The following IVD variants were observed in gnomAD, a reference collection of about 807,000 sequenced individuals.
IVD encodes isovaleryl-CoA dehydrogenase, mitochondrial.
Under a neutral mutation model 51.3 loss-of-function variants are expected in IVD, and 31 were observed. The ratio of observed to expected loss-of-function variants is 0.60; its 90% CI spans 0.45 to 0.81. The LOEUF is 0.81. Ranked by LOEUF, IVD falls within the 40% of genes least tolerant of loss-of-function variation. IVD has a pLI of 0.00. For missense variants in IVD, 475 were observed against 552.0 expected (o/e 0.86, Z 1.40); for synonymous variants, 205 against 219.4 (o/e 0.93, Z 0.58).
Position 40,411,306 on chromosome 15 carries a change from A to G in IVD, c.503A>G (p.Asn168Ser), listed in dbSNP as rs749726739. Residue 168 changes from asparagine to serine, a missense_variant, in exon 5 of 12, where the codon AAT becomes AGT. Coordinates refer to ENST00000487418, the MANE Select transcript of IVD (RefSeq NM_002225.5). ...YIGALAMSEP[N>S]AGSDVVSMKL... ...GGAGCCCTGGCCATGAGTGAGCCCA[A>G]TGCAGGCTCTGATGTTGTCTCTATG... is the stretch of plus-strand genomic sequence containing the variant. 36 of 1,614,054 alleles carry G rather than the reference A, an allele frequency of 2.2e-5. No homozygotes were observed. The highest frequency in any genetic ancestry group is 6.7e-5 in the Admixed American group (4 of 60,004).
intron 11 of IVD, 115 bp from the exon 12 acceptor site, chr15:40,418,015 C>A: frequency 6.8e-7 from 1 of 1,475,864 alleles, no homozygotes; most frequent in Non-Finnish European, 9.2e-7. Context: ...CCTTTTGCTG[C>A]TTTTCTTTAA....
At chr15:40,410,917 T>G (rs888933373) in intron 4 of IVD, 120 bp downstream of exon 4, 2 of 1,246,628 alleles carry the variant, frequency 1.6e-6, no homozygotes. Context: ...ATGAACCAAA[T>G]GTGGTTAGGA....
At chr15:40,414,555 T>C in intron 7 of IVD, 1 of 340,280 alleles carries the variant, frequency 2.9e-6, no homozygotes, top group Non-Finnish European at 5.8e-6. Flanking sequence ...TAGGTGCCTG[T>C]GTAGAAAGAG....
chr15:40,435,588 T>C (rs1444369213), downstream of IVD: 14 of 1,127,810 alleles, frequency 1.2e-5, no homozygotes, highest in Non-Finnish European at 1.6e-5. Flanking sequence ...GACCAGAAGC[T>C]TCCTTTCCTC....
rs1215081776 is a variant in IVD, at chr15:40,407,616, G to C, written c.145-20G>C. ...GGAGATGCTGTCTGCAGTGGCATCT[G>C]TTTACCTCTCTCCTATTAGCTTCGT... On this transcript the variant is annotated intron_variant, in intron 1 of 11. Coordinates refer to ENST00000487418, the MANE Select transcript of IVD (RefSeq NM_002225.5). The C allele has an allele frequency of 3.1e-6, 5 of 1,597,904 alleles. No homozygotes were observed. Among genetic ancestry groups the C allele is most frequent in the Non-Finnish European group, 4.3e-6 (5 of 1,165,298 alleles).
intron 11 of IVD, among the ~76,000 whole-genome samples, chr15:40,417,910 C>G (rs1045558063): frequency 3.9e-5 from 6 of 152,166 alleles, no homozygotes; most frequent in African/African-American, 1.4e-4. Context: ...GGGTTCGGTA[C>G]TATCTACGGT....
chr15:40,425,000 A>T (rs1892583680), downstream of IVD, among the ~76,000 whole-genome samples: 1 of 152,136 alleles, frequency 6.6e-6, no homozygotes, highest in Non-Finnish European at 1.5e-5. Flanking sequence ...GAGTGGCCAG[A>T]GCCCAGCCGC....
Position 40,407,956 on chromosome 15 carries a change from G to T in IVD, c.252G>T (p.Leu84=). Reference sequence around the variant, plus strand: ...GTTGGCAGGAATTTTGGAAGCAGCTGGGGAACCTGGGCGTATTGGGCATCA... The same window carrying T: ...GTTGGCAGGAATTTTGGAAGCAGCTTGGGAACCTGGGCGTATTGGGCATCA... ...FKNLREFWKQ[L]GNLGVLGITA... The change falls in exon 3 of 12, where the codon CTG becomes CTT. Residue 84 remains leucine, a synonymous_variant. Coordinates refer to ENST00000487418, the MANE Select transcript of IVD (RefSeq NM_002225.5). 1 of 1,614,138 alleles carries T rather than the reference G, an allele frequency of 6.2e-7. No individual in the cohort carries two copies. The highest frequency in any genetic ancestry group is 8.5e-7 in the Non-Finnish European group (1 of 1,180,002).
In IVD at chr15:40,416,360, T is replaced by C. The variant is rs1469021843; in HGVS notation, c.1136T>C (p.Phe379Ser). Residue 379 changes from phenylalanine to serine, a missense_variant and splice_region_variant, in exon 11 of 12, where the codon TTT becomes TCT. By Grantham distance (155) the Phe-to-Ser change is radical (BLOSUM62 -2). Coordinates refer to ENST00000487418, the MANE Select transcript of IVD (RefSeq NM_002225.5). ...TQVALDGIQC[F>S]GGNGYINDFP... ...GTAGCCCTGGACGGCATTCAGTGTT[T>C]TGGTGAGTGATCCCCACTTCCCAGT... The C allele has an allele frequency of 1.2e-5, 20 of 1,613,878 alleles. No homozygotes were observed. Among genetic ancestry groups the C allele is most frequent in the Non-Finnish European group, 1.7e-5 (20 of 1,179,964 alleles).
intron 11 of IVD, among the ~76,000 whole-genome samples, chr15:40,417,368 T>C (rs1891816649): frequency 6.6e-6 from 1 of 151,478 alleles, no homozygotes; most frequent in South Asian, 2.1e-4. Flanking sequence ...ATTAGCTGGG[T>C]GCAGTGGTGC....
At chr15:40,424,150 C>A, downstream of IVD, 1 of 1,286,950 alleles carries the variant, frequency 7.8e-7, no homozygotes, top group Non-Finnish European at 1.0e-6. Flanking sequence ...GCCCCTCAAC[C>A]CTTCCTCTAC....
At chr15:40,408,461 T>A (rs961988929) in intron 3 of IVD, among the ~76,000 whole-genome samples, 1 of 151,948 alleles carries the variant, frequency 6.6e-6, no homozygotes, top group African/African-American at 2.4e-5. Context: ...TGGAGCTCAT[T>A]TGGGAGCAGA....
chr15:40,424,280 G>A, downstream of IVD: 1 of 920,804 alleles, frequency 1.1e-6, no homozygotes. Flanking sequence ...CCCTTCTGCT[G>A]CTTCCCTCCT....
Position 40,416,368 on chromosome 15 carries a change from T to C in IVD, c.1138+6T>C. The C allele has an allele frequency of 6.2e-7, 1 of 1,613,310 alleles. No individual in the cohort carries two copies. Among genetic ancestry groups the C allele is most frequent in the Non-Finnish European group, 8.5e-7 (1 of 1,179,630 alleles). On this transcript the variant is annotated splice_donor_region_variant and intron_variant, in intron 11 of 11. Transcript: ENST00000487418. Reference sequence around the variant, plus strand: ...GGACGGCATTCAGTGTTTTGGTGAGTGATCCCCACTTCCCAGTCCCGGGGC... The same window carrying C: ...GGACGGCATTCAGTGTTTTGGTGAGCGATCCCCACTTCCCAGTCCCGGGGC...
At chr15:40,425,439 A>AATATATATATAT (rs1566949596), downstream of IVD, among the ~76,000 whole-genome samples, 1 of 73,484 alleles carries the variant, frequency 1.4e-5, no homozygotes, top group African/African-American at 4.3e-5. Context: ...CTGGACTCAT[A>AATATATATATAT]CTATATATAT....
chr15:40,418,028 A>T, intron 11 of IVD, 102 bp from the exon 12 acceptor site: 35 of 1,442,510 alleles, frequency 2.4e-5, no homozygotes, highest in Non-Finnish European at 2.9e-5. Context: ...TTCTTTAATC[A>T]CCCTCTCCTC....
downstream of IVD, among the ~76,000 whole-genome samples, chr15:40,426,970 G>A (rs972778052): frequency 2.6e-5 from 4 of 152,182 alleles, no homozygotes; most frequent in South Asian, 2.1e-4. Context: ...CAACAATTAC[G>A]TTTCCATTTA....
Position 40,415,888 on chromosome 15 carries a change from G to A in IVD, c.961-190G>A, listed in dbSNP as rs142167706. On this transcript the variant is annotated intron_variant, in intron 9 of 11. Transcript: ENST00000487418. Reference sequence around the variant, plus strand: ...ATGGCCACTTCGGGGTGTCATGCGGGCTGTGGAACAGCCACTCTGTGGCCC... The same window carrying A: ...ATGGCCACTTCGGGGTGTCATGCGGACTGTGGAACAGCCACTCTGTGGCCC... Among the ~76,000 whole-genome samples the A allele has an allele frequency of 5.9e-5, 9 of 152,342 alleles. No homozygotes were observed. In the East Asian group the frequency reaches 1.7e-3, roughly 29 times the overall value.
At chr15:40,430,619 C>T (rs1199658609) in intron 7 of IVD, among the ~76,000 whole-genome samples, 1 of 152,140 alleles carries the variant, frequency 6.6e-6, no homozygotes, top group Non-Finnish European at 1.5e-5. Context: ...AGGCTGGAGA[C>T]TCCAGTAAAT....
Sources: gnomAD v4.1 joint callset for allele counts (sites outside exome capture counted in the v4.1 genomes callset) on GRCh38, gnomAD v4.1.1 for gene constraint, MANE v1.5 for transcripts, NCBI Gene and HGNC (gene_info 2026-07-23, HGNC 2026-07-21) for gene names.